Variants in GRIA4 observed in about 807,000 individuals in gnomAD.
GRIA4 encodes glutamate receptor 4.
Under a neutral mutation model 104.0 loss-of-function variants are expected in GRIA4, and 34 were observed. That is an observed-to-expected ratio of 0.33 (90% CI 0.25 to 0.44). The LOEUF is 0.44. Among genes scored for constraint, GRIA4 ranks in the 20% least tolerant of loss-of-function variants. The pLI is 1.00. For synonymous variants in GRIA4, 386 were observed against 381.9 expected, an observed-to-expected ratio of 1.01 and a Z score of -0.13; for missense variants, 750 against 1,096.5, an observed-to-expected ratio of 0.68 and a Z score of 4.46.
rs1450597277 is a variant in GRIA4 at position 105,819,008 on chromosome 11, T to A, written c.488-43016T>A. Among the ~76,000 whole-genome samples the A allele has an allele frequency of 2.6e-5, 4 of 152,122 alleles. No homozygotes were observed. In the South Asian group the frequency reaches 6.2e-4, roughly 24 times the overall value. Reference sequence around the variant, plus strand: ...AGGAAATCAGGACAATGGAAAACAATTTTTCTCTTCATCTTTCTAAGGTAC... The same window carrying A: ...AGGAAATCAGGACAATGGAAAACAAATTTTCTCTTCATCTTTCTAAGGTAC... On this transcript the variant is annotated intron_variant, in intron 4 of 16. Transcript: ENST00000282499.
chr11:105,862,263 TTTGA>T, intron 5 of GRIA4, 55 bp downstream of exon 5: 1 of 954,504 alleles, frequency 1.0e-6, no homozygotes, highest in Non-Finnish European at 1.6e-6. Context: ...AAATTTAACC[TTTGA>T]TTGACTTGTC....
intron 4 of GRIA4, among the ~76,000 whole-genome samples, chr11:105,791,441 T>G (rs552996498): frequency 1.3e-5 from 2 of 152,320 alleles, no homozygotes; most frequent in African/African-American, 4.8e-5. Context: ...TCTAATTAAT[T>G]TTTTAAGTTG....
chr11:105,611,701 C>A (rs931540044), intron 2 of GRIA4, among the ~76,000 whole-genome samples: 2 of 152,154 alleles, frequency 1.3e-5, no homozygotes, highest in African/African-American at 4.8e-5. Flanking sequence ...CCATCCTTGG[C>A]TTTTCTTGCT....
intron 4 of GRIA4, among the ~76,000 whole-genome samples, chr11:105,798,451 AG>A (rs1942581382): frequency 6.6e-6 from 1 of 152,100 alleles, no homozygotes; most frequent in Non-Finnish European, 1.5e-5. Flanking sequence ...GAGGGAACAA[AG>A]ATAAAAAGAG....
At chr11:105,688,493 G>A (rs546429333) in intron 3 of GRIA4, among the ~76,000 whole-genome samples, 11 of 152,072 alleles carry the variant, frequency 7.2e-5, no homozygotes, top group African/African-American at 4.8e-5. Flanking sequence ...CCTGGGGCAC[G>A]CGGAGCTTGT....
At chr11:105,795,662 T>A (rs538814201) in intron 4 of GRIA4, among the ~76,000 whole-genome samples, 11 of 152,124 alleles carry the variant, frequency 7.2e-5, no homozygotes, top group South Asian at 6.2e-4. Flanking sequence ...TGGAAAGGGG[T>A]AAGCACTAAG....
chr11:105,783,247 C>T (rs916610731), intron 4 of GRIA4, among the ~76,000 whole-genome samples: 1 of 152,172 alleles, frequency 6.6e-6, no homozygotes, highest in Non-Finnish European at 1.5e-5. Flanking sequence ...AGCTTTACCA[C>T]TGCAGTAAAC....
intron 3 of GRIA4, among the ~76,000 whole-genome samples, chr11:105,671,227 C>T (rs1199786661): frequency 3.3e-5 from 5 of 152,052 alleles, no homozygotes; most frequent in African/African-American, 1.2e-4. Flanking sequence ...AAAGGGACTT[C>T]TTTGTGGGAC....
chr11:105,930,518 T>C (rs2136205490), intron 13 of GRIA4, among the ~76,000 whole-genome samples: 1 of 152,282 alleles, frequency 6.6e-6, no homozygotes, highest in South Asian at 2.1e-4. Flanking sequence ...TCAATGTATT[T>C]AAACAAATGC....
At chr11:105,716,847 T>C in intron 3 of GRIA4, among the ~76,000 whole-genome samples, 1 of 152,104 alleles carries the variant, frequency 6.6e-6, no homozygotes, top group East Asian at 1.9e-4. Context: ...AACTAGAGAA[T>C]ATACTATATT....
chr11:105,805,493 A>G (rs1177438277), intron 4 of GRIA4, among the ~76,000 whole-genome samples: 1 of 151,122 alleles, frequency 6.6e-6, no homozygotes, highest in Non-Finnish European at 1.5e-5. Context: ...AAAAAAAAAA[A>G]AAACAAGCCA....
intron 4 of GRIA4, among the ~76,000 whole-genome samples, chr11:105,763,316 C>A (rs532001591): frequency 3.9e-5 from 6 of 152,122 alleles, no homozygotes; most frequent in Middle Eastern, 3.4e-3. Context: ...ATGGTATGGA[C>A]GTGGAAGTTG....
intron 3 of GRIA4, among the ~76,000 whole-genome samples, chr11:105,741,895 C>T (rs1191090130): frequency 3.9e-5 from 6 of 152,016 alleles, no homozygotes; most frequent in Non-Finnish European, 7.4e-5. Context: ...TCAAAGGGTA[C>T]AAACTTGCAG....
At position 105,835,546 on chromosome 11, in the gene GRIA4, T is replaced by TTG. The variant is rs377086043; in HGVS notation, c.488-26464_488-26463dup. On this transcript the variant is annotated intron_variant, in intron 4 of 16. Coordinates refer to ENST00000282499, the MANE Select transcript of GRIA4 (RefSeq NM_000829.4). Reference sequence around the variant, plus strand: ...CCTAAGATCTGCAAAGCCATGGATTTTGTGTGTGTGTGTGTTTTCTTTCTT... The same window carrying TTG: ...CCTAAGATCTGCAAAGCCATGGATTTTGTGTGTGTGTGTGTGTTTTCTTTCTT... 9.2e-5 allele frequency among the ~76,000 whole-genome samples: 14 copies of TTG among 151,960 alleles called. No individual in the cohort carries two copies. The South Asian group carries it at 1.5e-3, about 16-fold the overall frequency.
intron 3 of GRIA4, among the ~76,000 whole-genome samples, chr11:105,741,957 G>GTATTA (rs1283380313): frequency 1.3e-5 from 2 of 151,994 alleles, no homozygotes; most frequent in Non-Finnish European, 2.9e-5. Flanking sequence ...TGATAATATT[G>GTATTA]TATTATATAT....
intron 3 of GRIA4, among the ~76,000 whole-genome samples, chr11:105,645,658 A>G (rs1365968345): frequency 2.0e-5 from 3 of 152,236 alleles, no homozygotes; most frequent in African/African-American, 7.2e-5. Flanking sequence ...ACCACTGAGT[A>G]GAATTAGCAT....
At chr11:105,626,813 G>A (rs1369867871) in intron 3 of GRIA4, among the ~76,000 whole-genome samples, 1 of 152,074 alleles carries the variant, frequency 6.6e-6, no homozygotes, top group African/African-American at 2.4e-5. Context: ...CTTACAGAAG[G>A]GGCAGGGTCA....
intron 3 of GRIA4, among the ~76,000 whole-genome samples, chr11:105,691,516 C>T (rs1423501130): frequency 1.3e-5 from 2 of 152,130 alleles, no homozygotes; most frequent in Admixed American, 6.5e-5. Flanking sequence ...TAGCTCTAAA[C>T]AACTATGCCT....
At chr11:105,918,579 C>G in intron 10 of GRIA4, 133 bp from the exon 11 acceptor site, 2 of 586,136 alleles carry the variant, frequency 3.4e-6, no homozygotes, top group Non-Finnish European at 6.1e-6. Context: ...TTATTGACTT[C>G]TAGCTACACC....
Sources: allele counts gnomAD v4.1 joint callset (sites outside exome capture counted in the v4.1 genomes callset), GRCh38; gene constraint gnomAD v4.1.1; transcripts MANE v1.5; gene names NCBI Gene and HGNC (gene_info 2026-07-23, HGNC 2026-07-21).